SRBD1: variants seen among roughly 807,000 people sequenced by gnomAD.
The protein encoded by SRBD1 is S1 RNA-binding domain-containing protein 1.
Under a neutral mutation model 115.3 loss-of-function variants are expected in SRBD1, and 88 were observed. The ratio of observed to expected loss-of-function variants is 0.76; its 90% CI spans 0.64 to 0.91. The LOEUF is 0.91. Ranked by LOEUF, SRBD1 falls within the 40% of genes least tolerant of loss-of-function variation. SRBD1 has a pLI of 0.00. For synonymous variants in SRBD1, 509 were observed against 407.7 expected, an observed-to-expected ratio of 1.25 and a Z score of -2.99; for missense variants, 1,385 against 1,177.4, an observed-to-expected ratio of 1.18 and a Z score of -2.58.
intron 1 of SRBD1, among the ~76,000 whole-genome samples, chr2:45,607,752 G>A (rs1674317808): frequency 2.0e-5 from 3 of 152,270 alleles, no homozygotes; most frequent in South Asian, 4.2e-4. Context: ...ATGCTATTAG[G>A]CAACTGCCCC....
intron 19 of SRBD1, among the ~76,000 whole-genome samples, chr2:45,409,635 C>T (rs938824259): frequency 2.0e-5 from 3 of 151,586 alleles, no homozygotes; most frequent in East Asian, 1.9e-4. Context: ...ACTTAAGGAA[C>T]GTACAAATAC....
At chr2:45,514,680 ACTGT>A (rs1671069228) in intron 14 of SRBD1, among the ~76,000 whole-genome samples, 1 of 151,032 alleles carries the variant, frequency 6.6e-6, no homozygotes, top group Non-Finnish European at 1.5e-5. Context: ...GGGTACTGAA[ACTGT>A]CTGAGTTCTT....
chr2:45,590,965 C>T (rs1237378903), intron 4 of SRBD1, among the ~76,000 whole-genome samples: 5 of 150,344 alleles, frequency 3.3e-5, no homozygotes, highest in African/African-American at 4.9e-5. Flanking sequence ...TGCAGTGAGC[C>T]GAGATTGCAA....
intron 15 of SRBD1, among the ~76,000 whole-genome samples, chr2:45,487,141 G>C (rs994203945): frequency 2.6e-5 from 4 of 152,126 alleles, no homozygotes; most frequent in African/African-American, 9.7e-5. Context: ...TTTAGCTTTA[G>C]ATTACTGTAA....
intron 4 of SRBD1, among the ~76,000 whole-genome samples, chr2:45,591,324 A>G (rs1673717812): frequency 6.6e-6 from 1 of 152,136 alleles, no homozygotes; most frequent in Non-Finnish European, 1.5e-5. Flanking sequence ...CTATGATTTC[A>G]TCTCTGACCT....
At chr2:45,488,785 T>C (rs373039042) in intron 14 of SRBD1, among the ~76,000 whole-genome samples, 80 of 151,810 alleles carry the variant, frequency 5.3e-4, no homozygotes, top group South Asian at 1.5e-3. Context: ...TATGTGCACA[T>C]GCAGACATAC....
At chr2:45,521,802 AC>A (rs1240124743) in intron 14 of SRBD1, among the ~76,000 whole-genome samples, 1 of 152,048 alleles carries the variant, frequency 6.6e-6, no homozygotes, top group Non-Finnish European at 1.5e-5. Context: ...CCCTGTCTCC[AC>A]AAAACAATTT....
chr2:45,433,467 T>C (rs1319670580), intron 16 of SRBD1, among the ~76,000 whole-genome samples: 3 of 152,182 alleles, frequency 2.0e-5, no homozygotes, highest in Non-Finnish European at 4.4e-5. Flanking sequence ...AGGAACAGTC[T>C]ATTCAATTTC....
chr2:45,603,666 A>C (rs546500944), intron 2 of SRBD1, among the ~76,000 whole-genome samples: 2 of 152,086 alleles, frequency 1.3e-5, no homozygotes, highest in Non-Finnish European at 2.9e-5. Context: ...GGTAGCTGGG[A>C]TTATAGGCAC....
intron 10 of SRBD1, among the ~76,000 whole-genome samples, chr2:45,556,185 C>T (rs1415768509): frequency 3.9e-5 from 6 of 152,110 alleles, no homozygotes; most frequent in African/African-American, 1.2e-4. Context: ...ACCTAAATCC[C>T]TGCTGCTCCC....
At chr2:45,584,731 T>G (rs186676204) in intron 5 of SRBD1, among the ~76,000 whole-genome samples, 71 of 152,334 alleles carry the variant, frequency 4.7e-4, no homozygotes, top group Non-Finnish European at 9.0e-4. Context: ...TTGTAGTCTT[T>G]GTACACATAT....
At chr2:45,539,089 G>A (rs756581638) in intron 14 of SRBD1, among the ~76,000 whole-genome samples, 10 of 151,390 alleles carry the variant, frequency 6.6e-5, no homozygotes, top group East Asian at 1.9e-4. Context: ...CTTTGGTGTC[G>A]GAAAATAGCA....
chr2:45,509,343 T>C (rs2103918826), intron 14 of SRBD1, among the ~76,000 whole-genome samples: 1 of 151,914 alleles, frequency 6.6e-6, no homozygotes, highest in South Asian at 2.1e-4. Flanking sequence ...ACGCCTGTAA[T>C]CCCAGCACTT....
chr2:45,514,270 T>C (rs1163756943), intron 14 of SRBD1, among the ~76,000 whole-genome samples: 1 of 152,162 alleles, frequency 6.6e-6, no homozygotes. Context: ...AATTTCCAGT[T>C]CATGAAATCA....
At chr2:45,587,699 G>A (rs1572812500) in intron 4 of SRBD1, among the ~76,000 whole-genome samples, 1 of 152,112 alleles carries the variant, frequency 6.6e-6, no homozygotes, top group East Asian at 1.9e-4. Flanking sequence ...ATTAAATCCT[G>A]AGGTCTACAT....
chr2:45,580,675 T>C lies in SRBD1; in HGVS notation c.934-662A>G, dbSNP rs139971783. ...CACCTGGCCGGTCAATTCTTCTACT[T>C]CTTTTTTTTTTTTTTTTTTTTTTTT... On this transcript the variant is annotated intron_variant, in intron 6 of 20. Transcript: ENST00000263736. 4.3e-3 allele frequency among the ~76,000 whole-genome samples: 547 copies of C among 128,172 alleles called. 5 individuals carry two copies. The highest frequency in any genetic ancestry group is 0.026 in the Middle Eastern group (5 of 196). 84.1% of individuals were successfully genotyped at this position (128,172 alleles called of 152,430 possible). A position where few individuals can be genotyped will look rare whatever the true frequency, so the allele number is the denominator to read the frequency against.
At chr2:45,539,802 TAAA>T (rs1204744582) in intron 14 of SRBD1, among the ~76,000 whole-genome samples, 1 of 151,714 alleles carries the variant, frequency 6.6e-6, no homozygotes, top group Non-Finnish European at 1.5e-5. Flanking sequence ...TCCACCAAAA[TAAA>T]AAGCTTACCT....
intron 19 of SRBD1, among the ~76,000 whole-genome samples, chr2:45,400,777 T>A (rs1213063564): frequency 6.6e-6 from 1 of 152,168 alleles, no homozygotes; most frequent in South Asian, 2.1e-4. Flanking sequence ...GATATGGTAC[T>A]ATTATTACGC....
chr2:45,548,829 A>G (rs1289555855), intron 12 of SRBD1, among the ~76,000 whole-genome samples: 1 of 152,184 alleles, frequency 6.6e-6, no homozygotes, highest in Non-Finnish European at 1.5e-5. Context: ...TAGAACATAG[A>G]TAAAATATCC....
Sources: allele counts gnomAD v4.1 joint callset (sites outside exome capture counted in the v4.1 genomes callset), GRCh38; gene constraint gnomAD v4.1.1; transcripts MANE v1.5; gene names NCBI Gene and HGNC (gene_info 2026-07-23, HGNC 2026-07-21).